SOD2: variants seen among roughly 807,000 people sequenced by gnomAD.
The protein encoded by SOD2 is superoxide dismutase 2, also known as superoxide dismutase [Mn], mitochondrial.
SOD2 carries 11 observed loss-of-function variants against 27.0 expected under a neutral mutation model. The ratio of observed to expected loss-of-function variants is 0.41; its 90% CI spans 0.26 to 0.67. The LOEUF is 0.67. SOD2 is among the 30% of genes least tolerant of loss of function. The pLI, the probability that SOD2 is intolerant of heterozygous loss-of-function variation, is 0.34. For missense variants in SOD2, 250 were observed against 274.5 expected (o/e 0.91, Z 0.63); for synonymous variants, 105 against 103.0 (o/e 1.02, Z -0.12).
chr6:159,752,698 TATA>T (rs1779866606), intron 1 of SOD2, among the ~76,000 whole-genome samples: 1 of 152,228 alleles, frequency 6.6e-6, no homozygotes, highest in South Asian at 2.1e-4. Context: ...CCTCAATTAA[TATA>T]ATAGATAATA....
intron 4 of SOD2, among the ~76,000 whole-genome samples, chr6:159,683,863 T>C (rs563203754): frequency 2.6e-5 from 4 of 152,334 alleles, no homozygotes; most frequent in Admixed American, 2.0e-4. Context: ...GGGTCTATCC[T>C]GTGAAGTGAG....
rs984906985 is a variant in SOD2 at position 159,676,328 on chromosome 6, C to T, written c.*6165G>A. 2.0e-5 allele frequency: 3 copies of T among 152,112 alleles called. No homozygotes were observed. The highest frequency in any genetic ancestry group is 6.5e-5 in the Admixed American group (1 of 15,268). The allele number at this position is 152,112 out of a possible 1,614,324, so 9.4% of individuals were successfully genotyped here. On this transcript the variant is annotated 3_prime_UTR_variant, in exon 5 of 5. Transcript: ENST00000538183. ...TTTATTGTGGCACTGTTCACAATAG[C>T]AAAGACTTGGAACCAACCCAAATGT... is the stretch of plus-strand genomic sequence containing the variant.
upstream of SOD2, among the ~76,000 whole-genome samples, chr6:159,696,769 C>T (rs1777428009): frequency 6.6e-6 from 1 of 152,048 alleles, no homozygotes; most frequent in Non-Finnish European, 1.5e-5. Flanking sequence ...GGGCCAGGTG[C>T]AGTGGTTCAT....
intron 1 of SOD2, chr6:159,741,855 G>T: frequency 2.7e-6 from 1 of 374,114 alleles, no homozygotes; most frequent in Non-Finnish European, 4.8e-6. Flanking sequence ...TTTGGTCCCA[G>T]CTATACAGGA....
chr6:159,754,577 T>G (rs1205432851), intron 1 of SOD2, among the ~76,000 whole-genome samples: 1 of 152,194 alleles, frequency 6.6e-6, no homozygotes, highest in African/African-American at 2.4e-5. Flanking sequence ...AGTAAGCCCC[T>G]CATATAAAAT....
chr6:159,726,858 GCTT>G (rs1778192432), intron 1 of SOD2: 2 of 1,289,122 alleles, frequency 1.6e-6, no homozygotes, highest in Admixed American at 2.3e-5. Flanking sequence ...TTACAGGTGA[GCTT>G]CTGCTAAGAG....
In SOD2 at chr6:159,682,570, G is replaced by C; in HGVS notation, c.592C>G (p.Pro198Ala). Residue 198 changes from proline to alanine, a missense_variant, in exon 5 of 5, where the codon CCT becomes GCT. Transcript: ENST00000538183. ...TTCCAAATAGCTTTTAGATAATCAG[G>C]CCTGACATTTTTATACTGAAGGTAG... The part of the protein sequence containing the change: ...AYYLQYKNVR[P>A]DYLKAIWNVI... 2 of 1,613,920 alleles carry C rather than the reference G, an allele frequency of 1.2e-6. No individual in the cohort carries two copies. Among genetic ancestry groups the C allele is most frequent in the Non-Finnish European group, 1.7e-6 (2 of 1,179,908 alleles).
Position 159,680,205 on chromosome 6 carries a change from T to C in SOD2, c.*2288A>G, listed in dbSNP as rs1476919955. ...AACCTTGTTAGTTCAATACAAACCA[T>C]GATCTAGCAGACAACTTATATTCAA... On this transcript the variant is annotated 3_prime_UTR_variant, in exon 5 of 5. Coordinates refer to ENST00000538183, the MANE Select transcript of SOD2 (RefSeq NM_000636.4). The C allele has an allele frequency of 6.6e-6, 1 of 152,240 alleles. No homozygotes were observed. The highest frequency in any genetic ancestry group is 1.5e-5 in the Non-Finnish European group (1 of 68,042). The allele number at this position is 152,240 out of a possible 1,614,324, so 9.4% of individuals were successfully genotyped here.
At chr6:159,727,531 C>G, upstream of SOD2, 1 of 991,602 alleles carries the variant, frequency 1.0e-6, no homozygotes, top group Non-Finnish European at 1.2e-6. Flanking sequence ...TTTGTGGCAG[C>G]GAGACCCACA....
upstream of SOD2, among the ~76,000 whole-genome samples, chr6:159,729,399 A>G (rs1778427121): frequency 1.3e-5 from 2 of 152,266 alleles, no homozygotes; most frequent in Non-Finnish European, 2.9e-5. Flanking sequence ...ACTTTTCAGT[A>G]TCTCCACAAT....
At chr6:159,705,333 AG>A (rs1360586486) in intron 1 of SOD2, among the ~76,000 whole-genome samples, 1 of 152,226 alleles carries the variant, frequency 6.6e-6, no homozygotes, top group African/African-American at 2.4e-5. Context: ...GAGCTAAAGA[AG>A]GAAGTCTGAA....
intron 1 of SOD2, among the ~76,000 whole-genome samples, chr6:159,698,563 C>A (rs1289440330): frequency 2.8e-5 from 3 of 105,408 alleles, no homozygotes; most frequent in African/African-American, 3.9e-5. Flanking sequence ...CAGAGTGAGA[C>A]CTTGTCTCAA....
intron 1 of SOD2, 77 bp from the exon 2 acceptor site, chr6:159,692,940 A>G (rs2114795145): frequency 7.2e-7 from 1 of 1,395,298 alleles, no homozygotes; most frequent in Non-Finnish European, 9.4e-7. Flanking sequence ...GAGGAACGGC[A>G]GCGCGCGGCG....
chr6:159,710,270 CATATAT>C (rs141490345), intron 1 of SOD2, among the ~76,000 whole-genome samples: 1 of 143,478 alleles, frequency 7.0e-6, no homozygotes, highest in African/African-American at 2.6e-5. Flanking sequence ...AGTATAAATA[CATATAT>C]ATATATATAT....
rs552505523 is a variant in SOD2, at chr6:159,742,040, A to G, written c.-116+3090T>C. On this transcript the variant is annotated intron_variant, in intron 1 of 3. Coordinates refer to the SOD2 transcript ENST00000537657. ...TTATAGATATCTTCTAGTTTATTTA[A>G]TAAACTATTTTATCGTAACAACTAA... 9 of 1,331,630 alleles carry G rather than the reference A, an allele frequency of 6.8e-6. No homozygotes were observed. The South Asian group carries it at 1.1e-4, about 17-fold the overall frequency. The allele number at this position is 1,331,630 out of a possible 1,614,324, so 82.5% of individuals were successfully genotyped here.
At chr6:159,760,560 G>C (rs959044484) in intron 1 of SOD2, 2 of 152,284 alleles carry the variant, frequency 1.3e-5, no homozygotes, top group Admixed American at 1.3e-4. Flanking sequence ...TGTGAGCCAA[G>C]GTGCCCGACC....
At chr6:159,686,326 C>T (rs767695909) in intron 3 of SOD2, among the ~76,000 whole-genome samples, 17 of 152,102 alleles carry the variant, frequency 1.1e-4, no homozygotes, top group East Asian at 5.8e-4. Flanking sequence ...AAGTATTAAC[C>T]GATAGTCTAG....
chr6:159,692,980 G>A (rs1293678019), intron 1 of SOD2, 117 bp from the exon 2 acceptor site: 9 of 1,344,956 alleles, frequency 6.7e-6, no homozygotes, highest in Non-Finnish European at 3.9e-6. Context: ...CCCTCCCTGC[G>A]GATCCCCGCT....
chr6:159,735,333 G>A (rs1778842065), intron 1 of SOD2, among the ~76,000 whole-genome samples: 1 of 152,170 alleles, frequency 6.6e-6, no homozygotes, highest in African/African-American at 2.4e-5. Context: ...TAGAGACCGA[G>A]TTTCACCATG....
Sources: allele counts gnomAD v4.1 joint callset (sites outside exome capture counted in the v4.1 genomes callset), GRCh38; gene constraint gnomAD v4.1.1; transcripts MANE v1.5; gene names NCBI Gene and HGNC (gene_info 2026-07-23, HGNC 2026-07-21).